MBD5: variants seen among roughly 807,000 people sequenced by gnomAD.
MBD5 encodes the protein methyl-CpG binding domain protein 5, also known as methyl-CpG-binding domain protein 5.
A neutral mutation model predicts 117.3 loss-of-function variants in MBD5; 13 were observed. The ratio of observed to expected loss-of-function variants is 0.11; its 90% CI spans 0.07 to 0.18. MBD5 has a LOEUF of 0.18. MBD5 is among the 10% of genes least tolerant of loss of function. MBD5 has a pLI of 1.00. For missense variants in MBD5, 1,879 were observed against 2,093.8 expected, an observed-to-expected ratio of 0.90 and a Z score of 2.00; for synonymous variants, 727 against 766.4, an observed-to-expected ratio of 0.95 and a Z score of 0.85.
At chr2:148,176,063 T>C (rs1698376646) in intron 1 of MBD5, among the ~76,000 whole-genome samples, 1 of 152,162 alleles carries the variant, frequency 6.6e-6, no homozygotes, top group Non-Finnish European at 1.5e-5. Flanking sequence ...GAGCTATTGG[T>C]TCTTATTAAA....
intron 4 of MBD5, among the ~76,000 whole-genome samples, chr2:148,411,062 C>T (rs1161091642): frequency 6.6e-6 from 1 of 151,992 alleles, no homozygotes; most frequent in East Asian, 1.9e-4. Flanking sequence ...TCTTTGTGTC[C>T]CTGTGTACTC....
chr2:148,330,963 A>C (rs1174552051), intron 3 of MBD5, among the ~76,000 whole-genome samples: 1 of 152,228 alleles, frequency 6.6e-6, no homozygotes, highest in Non-Finnish European at 1.5e-5. Context: ...CCAAGATTAT[A>C]TAACTAGAAA....
At chr2:148,134,870 T>C (rs1697137280) in intron 1 of MBD5, among the ~76,000 whole-genome samples, 1 of 152,248 alleles carries the variant, frequency 6.6e-6, no homozygotes, top group Non-Finnish European at 1.5e-5. Flanking sequence ...TGTCTTGAGA[T>C]TTCTATTCTG....
intron 1 of MBD5, among the ~76,000 whole-genome samples, chr2:148,059,823 G>T (rs1694978217): frequency 6.6e-6 from 1 of 150,766 alleles, no homozygotes. Flanking sequence ...CCCAGCCTGG[G>T]AGACAGAGCG....
chr2:148,400,986 A>G (rs1704902795), intron 4 of MBD5, among the ~76,000 whole-genome samples: 1 of 152,186 alleles, frequency 6.6e-6, no homozygotes, highest in African/African-American at 2.4e-5. Context: ...TGAGTCATAA[A>G]TCTGTGGATG....
At chr2:148,364,042 G>C (rs754688219) in intron 4 of MBD5, among the ~76,000 whole-genome samples, 7 of 152,074 alleles carry the variant, frequency 4.6e-5, no homozygotes, top group African/African-American at 1.7e-4. Context: ...ACACATAATC[G>C]ACAGATTCGC....
chr2:148,326,071 T>G (rs1262410700), intron 3 of MBD5, among the ~76,000 whole-genome samples: 3 of 152,214 alleles, frequency 2.0e-5, no homozygotes, highest in Non-Finnish European at 4.4e-5. Flanking sequence ...ACATCTTTAT[T>G]TCTGCCTTCA....
intron 3 of MBD5, among the ~76,000 whole-genome samples, chr2:148,265,859 C>A (rs1700845290): frequency 6.6e-6 from 1 of 152,004 alleles, no homozygotes; most frequent in Admixed American, 6.6e-5. Context: ...AAGCTGCTTA[C>A]TTTTGTGGAG....
chr2:148,500,983 A>G (rs1194265691), intron 11 of MBD5, among the ~76,000 whole-genome samples: 1 of 152,162 alleles, frequency 6.6e-6, no homozygotes, highest in Non-Finnish European at 1.5e-5. Context: ...CCAATAGGAC[A>G]CTTTTCTTTA....
intron 4 of MBD5, among the ~76,000 whole-genome samples, chr2:148,385,943 A>C (rs576536899): frequency 0.013 from 1,663 of 129,858 alleles, 44 homozygotes; most frequent in African/African-American, 0.044. Context: ...GGGAACATCA[A>C]ACACTGGGGA....
chr2:148,229,096 T>G (rs924041942), intron 2 of MBD5, among the ~76,000 whole-genome samples: 6 of 152,084 alleles, frequency 3.9e-5, no homozygotes, highest in African/African-American at 1.4e-4. Flanking sequence ...AGGGTTTTTT[T>G]GTCTCTATTT....
chr2:148,182,140 G>T (rs953476643), intron 2 of MBD5, among the ~76,000 whole-genome samples: 1 of 151,910 alleles, frequency 6.6e-6, no homozygotes, highest in Non-Finnish European at 1.5e-5. Context: ...TGAACCTAAA[G>T]TTTCTCAATT....
At chr2:148,411,156 G>C (rs1353164862) in intron 4 of MBD5, among the ~76,000 whole-genome samples, 1 of 152,088 alleles carries the variant, frequency 6.6e-6, no homozygotes, top group Non-Finnish European at 1.5e-5. Context: ...TAATGGCCTT[G>C]AGCTCTACCC....
chr2:148,104,728 A>G (rs966438807), intron 1 of MBD5, among the ~76,000 whole-genome samples: 1 of 152,256 alleles, frequency 6.6e-6, no homozygotes, highest in East Asian at 1.9e-4. Context: ...TCTTTGGAAT[A>G]TGTCTTTGTT....
intron 1 of MBD5, among the ~76,000 whole-genome samples, chr2:148,077,515 T>A (rs1695537402): frequency 6.6e-6 from 1 of 152,224 alleles, no homozygotes; most frequent in African/African-American, 2.4e-5. Context: ...TAGATTTTTA[T>A]CTTCTCTACT....
intron 4 of MBD5, among the ~76,000 whole-genome samples, chr2:148,381,256 T>C (rs182033376): frequency 3.4e-3 from 518 of 152,130 alleles, no homozygotes; most frequent in Non-Finnish European, 5.3e-3. Flanking sequence ...GAATAACCGA[T>C]GCAGAGAAGT....
rs762871908 is a variant in MBD5, at chr2:148,469,881, T to C, written c.1938T>C (p.Asp646=). Reference sequence around the variant, plus strand: ...AAAGTGGTCGAGCAGCACTAAGAGATAAGCTGATGTCTCAGCAAAAAGACG... The same window carrying C: ...AAAGTGGTCGAGCAGCACTAAGAGACAAGCTGATGTCTCAGCAAAAAGACG... ...EGQSGRAALR[D]KLMSQQKDAL... Residue 646 remains aspartate (D), a synonymous_variant, in exon 8 of 14, where the codon GAT becomes GAC. Coordinates refer to ENST00000642680, the MANE Select transcript of MBD5 (RefSeq NM_001378120.1). 2 of 1,613,950 alleles carry C rather than the reference T, an allele frequency of 1.2e-6. No homozygotes were observed. Among genetic ancestry groups the C allele is most frequent in the Non-Finnish European group, 1.7e-6 (2 of 1,179,898 alleles).
intron 3 of MBD5, among the ~76,000 whole-genome samples, chr2:148,306,784 A>G (rs2106506855): frequency 6.6e-6 from 1 of 152,294 alleles, no homozygotes; most frequent in Non-Finnish European, 1.5e-5. Flanking sequence ...TCTGATAACA[A>G]TTTATTTGAA....
chr2:148,127,582 A>T (rs1696933203), intron 1 of MBD5, among the ~76,000 whole-genome samples: 1 of 152,178 alleles, frequency 6.6e-6, no homozygotes, highest in Non-Finnish European at 1.5e-5. Context: ...CTACGCCTGC[A>T]TCGTATTCCA....
Sources: gnomAD v4.1 joint callset for allele counts (sites outside exome capture counted in the v4.1 genomes callset) on GRCh38, gnomAD v4.1.1 for gene constraint, MANE v1.5 for transcripts, NCBI Gene and HGNC (gene_info 2026-07-23, HGNC 2026-07-21) for gene names.